RIBC2: variants seen among roughly 807,000 people sequenced by gnomAD.
RIBC2 encodes the protein RIB43A-like with coiled-coils protein 2.
A neutral mutation model predicts 44.3 loss-of-function variants in RIBC2; 40 were observed. The ratio of observed to expected loss-of-function variants is 0.90; its 90% confidence interval spans 0.70 to 1.18. The LOEUF is 1.18. RIBC2 is among the 50% of genes most tolerant of loss of function. The probability of loss-of-function intolerance (pLI) is 0.00; values close to 1 mark genes in which losing one functional copy is unlikely to be tolerated. For missense variants in RIBC2, 459 were observed against 485.5 expected, an observed-to-expected ratio of 0.95 and a Z score of 0.51; for synonymous variants, 171 against 175.0, an observed-to-expected ratio of 0.98 and a Z score of 0.18.
At chr22:45,416,518 G>T (rs2087426377) in intron 2 of RIBC2, among the ~76,000 whole-genome samples, 1 of 152,168 alleles carries the variant, frequency 6.6e-6, no homozygotes, top group African/African-American at 2.4e-5. Context: ...CTGGAGTTCA[G>T]TGGAGCGATC....
At chr22:45,428,387 G>C (rs1321849339) in intron 5 of RIBC2, among the ~76,000 whole-genome samples, 1 of 152,210 alleles carries the variant, frequency 6.6e-6, no homozygotes, top group Non-Finnish European at 1.5e-5. Context: ...TGTTTGTCTT[G>C]ATTGTAGAAA....
intron 6 of RIBC2, among the ~76,000 whole-genome samples, chr22:45,431,643 T>C (rs1038466359): frequency 2.6e-5 from 4 of 152,180 alleles, no homozygotes; most frequent in Non-Finnish European, 5.9e-5. Context: ...CCATCTGTTA[T>C]CACTTCTGCT....
At chr22:45,417,019 A>G (rs2087431825) in intron 2 of RIBC2, among the ~76,000 whole-genome samples, 1 of 149,226 alleles carries the variant, frequency 6.7e-6, no homozygotes, top group African/African-American at 2.5e-5. Context: ...CTTTTGCCTC[A>G]GCCTCCCGAG....
Position 45,432,438 on chromosome 22 carries a change from G to C in RIBC2, c.*76G>C. The stretch of plus-strand genomic sequence containing the variant: ...TAAAGAGTCACGTTTCTTTTTTAAA[G>C]ATACACTCCTTGGGCCACAAGTACC... On this transcript the variant is annotated 3_prime_UTR_variant, in exon 7 of 7. Transcript: ENST00000614167. 6 of 967,702 alleles carry C rather than the reference G, an allele frequency of 6.2e-6. No homozygotes were observed. The highest frequency in any genetic ancestry group is 8.1e-6 in the Non-Finnish European group (5 of 615,432). 59.9% of individuals were successfully genotyped at this position (967,702 alleles called of 1,614,324 possible).
At chr22:45,430,716 A>T (rs982706666) in intron 5 of RIBC2, among the ~76,000 whole-genome samples, 184 bp from the exon 6 acceptor site, 34 of 152,158 alleles carry the variant, frequency 2.2e-4, no homozygotes, top group Non-Finnish European at 4.3e-4. Context: ...CAGCTGGGCC[A>T]CATGGAATGA....
intron 5 of RIBC2, among the ~76,000 whole-genome samples, chr22:45,427,032 G>T (rs2146888049): frequency 6.6e-6 from 1 of 152,288 alleles, no homozygotes; most frequent in Middle Eastern, 3.4e-3. Flanking sequence ...GGAGCAGGTT[G>T]GTGGGTGGGG....
intron 2 of RIBC2, among the ~76,000 whole-genome samples, chr22:45,415,560 G>T (rs1041392814): frequency 6.6e-6 from 1 of 151,718 alleles, no homozygotes; most frequent in Admixed American, 6.6e-5. Flanking sequence ...ATTGGCTTCA[G>T]ATATCTTCAG....
chr22:45,421,517 A>T (rs151271632), intron 3 of RIBC2, among the ~76,000 whole-genome samples: 41,759 of 104,430 alleles, frequency 0.4, 8,192 homozygotes, highest in African/African-American at 0.65. Context: ...AGTATTATTA[A>T]TAATAATAAT....
chr22:45,428,408 C>G (rs1213337892), intron 5 of RIBC2, among the ~76,000 whole-genome samples: 2 of 152,168 alleles, frequency 1.3e-5, no homozygotes, highest in Non-Finnish European at 2.9e-5. Context: ...TAACAGCATG[C>G]TTGTCATTCA....
At chr22:45,426,417 C>T (rs973058752) in intron 5 of RIBC2, among the ~76,000 whole-genome samples, 6 of 152,166 alleles carry the variant, frequency 3.9e-5, no homozygotes, top group East Asian at 1.9e-4. Context: ...AAGCAAAGAC[C>T]CAAAAGAGGG....
Position 45,422,563 on chromosome 22 carries a change from T to C in RIBC2, c.675+155T>C, listed in dbSNP as rs553057621. 12 of 665,474 alleles carry C rather than the reference T, an allele frequency of 1.8e-5. 1 individual carries two copies. The highest frequency in any genetic ancestry group is 3.6e-5 in the African/African-American group (2 of 55,914). The allele number at this position is 665,474 out of a possible 1,614,324, so 41.2% of individuals were successfully genotyped here. A position where few individuals can be genotyped will look rare whatever the true frequency, so the allele number is the denominator to read the frequency against. ...ACAGAGACCCTGATGGGCTGCCTGA[T>C]GACAGAGATGGATGAGACCCAGTCC... is the stretch of plus-strand genomic sequence containing the variant. On this transcript the variant is annotated intron_variant, in intron 4 of 6. Transcript: ENST00000614167.
chr22:45,420,366 T>C (rs2087466419), intron 3 of RIBC2, among the ~76,000 whole-genome samples: 1 of 152,184 alleles, frequency 6.6e-6, no homozygotes, highest in Non-Finnish European at 1.5e-5. Context: ...CTGACCCCCC[T>C]ATTTTAAACC....
chr22:45,426,226 C>T (rs1481910417), intron 5 of RIBC2, 51 bp downstream of exon 5: 2 of 1,488,206 alleles, frequency 1.3e-6, no homozygotes, highest in Non-Finnish European at 1.8e-6. Flanking sequence ...GCTCTTTGCT[C>T]CCACTGCCTT....
chr22:45,430,819 G>A, intron 5 of RIBC2, 81 bp from the exon 6 acceptor site: 3 of 1,425,838 alleles, frequency 2.1e-6, no homozygotes, highest in Non-Finnish European at 2.8e-6. Flanking sequence ...TGTAGAATGA[G>A]AGGCCAGGCC....
Position 45,413,721 on chromosome 22 carries a change from C to A in RIBC2, c.-166C>A, listed in dbSNP as rs943931256. The A allele has an allele frequency of 8.7e-7, 1 of 1,146,120 alleles. No homozygotes were observed. Among genetic ancestry groups the A allele is most frequent in the Non-Finnish European group, 1.2e-6 (1 of 809,670 alleles). 71.0% of individuals were successfully genotyped at this position (1,146,120 alleles called of 1,614,324 possible). A position where few individuals can be genotyped will look rare whatever the true frequency, so the allele number is the denominator to read the frequency against. On this transcript the variant is annotated 5_prime_UTR_variant, in exon 1 of 7. Transcript: ENST00000614167. The stretch of plus-strand genomic sequence containing the variant: ...GTTGACATTTCCGAGAGAGCGGGAG[C>A]GTCTGTACCTCTGCGGCGTCACTGG...
Position 45,432,395 on chromosome 22 carries a change from T to C in RIBC2, c.*33T>C. On this transcript the variant is annotated 3_prime_UTR_variant, in exon 7 of 7. Coordinates refer to ENST00000614167, the MANE Select transcript of RIBC2 (RefSeq NM_015653.5). Reference sequence around the variant, plus strand: ...CACACCCTTGTTCCCGTCATTCACGTATAAAGAGTGGCTACCTTAAAGAGT... The same window carrying C: ...CACACCCTTGTTCCCGTCATTCACGCATAAAGAGTGGCTACCTTAAAGAGT... 2 of 1,390,196 alleles carry C rather than the reference T, an allele frequency of 1.4e-6. No individual in the cohort carries two copies. The highest frequency in any genetic ancestry group is 2.0e-6 in the Non-Finnish European group (2 of 990,186). 86.1% of individuals were successfully genotyped at this position (1,390,196 alleles called of 1,614,324 possible). A position where few individuals can be genotyped will look rare whatever the true frequency, so the allele number is the denominator to read the frequency against.
At chr22:45,422,251 G>A (rs753481993) in intron 3 of RIBC2, 39 bp from the exon 4 acceptor site, 7 of 1,498,562 alleles carry the variant, frequency 4.7e-6, no homozygotes, top group Admixed American at 1.7e-5. Flanking sequence ...AGGTGCTCCT[G>A]TGGCCAGGTC....
At chr22:45,423,066 C>T (rs1434501512) in intron 4 of RIBC2, among the ~76,000 whole-genome samples, 2 of 152,128 alleles carry the variant, frequency 1.3e-5, no homozygotes, top group Non-Finnish European at 2.9e-5. Flanking sequence ...ACCGCAGCCT[C>T]GACCTCCCAG....
intron 3 of RIBC2, among the ~76,000 whole-genome samples, chr22:45,420,403 C>T (rs1569208411): frequency 6.6e-6 from 1 of 152,162 alleles, no homozygotes; most frequent in Non-Finnish European, 1.5e-5. Context: ...CCCCACATTC[C>T]GTATCCTGTT....
Sources: allele counts gnomAD v4.1 joint callset (sites outside exome capture counted in the v4.1 genomes callset), GRCh38; gene constraint gnomAD v4.1.1; transcripts MANE v1.5; gene names NCBI Gene and HGNC (gene_info 2026-07-23, HGNC 2026-07-21).